The following TSHZ2 variants were observed in gnomAD, a reference collection of about 807,000 sequenced individuals.
TSHZ2 encodes the protein teashirt homolog 2.
Under a neutral mutation model 74.4 loss-of-function variants are expected in TSHZ2, and 21 were observed. The observed-to-expected ratio is 0.28, with a 90% CI of 0.20 to 0.41. The LOEUF (loss-of-function observed/expected upper bound fraction) is 0.41, where lower values mean the gene tolerates loss of function less well. TSHZ2 is among the 10% of genes least tolerant of loss of function. TSHZ2 has a pLI of 1.00. For synonymous variants in TSHZ2, 540 were observed against 515.3 expected (o/e 1.05, Z -0.65); for missense variants, 1,244 against 1,293.5 (o/e 0.96, Z 0.59).
chr20:53,331,284 C>G (rs185357719), intron 2 of TSHZ2, among the ~76,000 whole-genome samples: 1 of 152,146 alleles, frequency 6.6e-6, no homozygotes, highest in Non-Finnish European at 1.5e-5. Flanking sequence ...GCAGCTTGAA[C>G]GGAAGGTAGT....
At chr20:53,160,817 A>C (rs1987914054) in intron 1 of TSHZ2, among the ~76,000 whole-genome samples, 2 of 151,384 alleles carry the variant, frequency 1.3e-5, no homozygotes, top group Non-Finnish European at 2.9e-5. Flanking sequence ...ACACCTCTGG[A>C]AACATTTTTC....
intron 1 of TSHZ2, among the ~76,000 whole-genome samples, chr20:52,982,134 T>C (rs1194172899): frequency 6.6e-6 from 1 of 152,210 alleles, no homozygotes; most frequent in Non-Finnish European, 1.5e-5. Context: ...GGAGGGGACA[T>C]CTGGGCTAAG....
intron 1 of TSHZ2, among the ~76,000 whole-genome samples, chr20:53,091,834 A>G (rs1280640551): frequency 1.3e-5 from 2 of 152,174 alleles, no homozygotes; most frequent in Non-Finnish European, 2.9e-5. Flanking sequence ...ACTAGAACCC[A>G]GAAGTTCAAG....
intron 2 of TSHZ2, among the ~76,000 whole-genome samples, chr20:53,332,061 T>C (rs1194505500): frequency 6.6e-6 from 1 of 152,014 alleles, no homozygotes. Context: ...CAAGGAGGCC[T>C]CCTGTGCAGA....
chr20:53,068,173 A>G (rs1270100174), intron 1 of TSHZ2, among the ~76,000 whole-genome samples: 1 of 152,174 alleles, frequency 6.6e-6, no homozygotes, highest in East Asian at 1.9e-4. Context: ...TCTTCTGAAT[A>G]ACGTCATATT....
chr20:53,207,993 T>A (rs568765164), intron 1 of TSHZ2, among the ~76,000 whole-genome samples: 76 of 151,528 alleles, frequency 5.0e-4, no homozygotes, highest in African/African-American at 1.8e-3. Context: ...AGCCACCATG[T>A]CCAGCCTCCT....
intron 1 of TSHZ2, among the ~76,000 whole-genome samples, chr20:53,225,215 GA>G (rs1352739775): frequency 1.3e-5 from 2 of 152,244 alleles, no homozygotes; most frequent in Non-Finnish European, 2.9e-5. Context: ...TTAAGGGAAA[GA>G]GACTATTGAA....
intron 1 of TSHZ2, among the ~76,000 whole-genome samples, chr20:53,160,068 A>G (rs1987892898): frequency 6.6e-6 from 1 of 152,186 alleles, no homozygotes; most frequent in Non-Finnish European, 1.5e-5. Flanking sequence ...CCACATATGA[A>G]AAGGCCCAGT....
chr20:53,433,819 T>A (rs538303860), intron 2 of TSHZ2, among the ~76,000 whole-genome samples: 103 of 152,314 alleles, frequency 6.8e-4, no homozygotes, highest in Admixed American at 2.2e-3. Context: ...GATCATCAAA[T>A]GTTGACTAGA....
chr20:53,201,077 C>T (rs1988993456), intron 1 of TSHZ2, among the ~76,000 whole-genome samples: 1 of 151,714 alleles, frequency 6.6e-6, no homozygotes, highest in African/African-American at 2.4e-5. Context: ...CAGATCATTG[C>T]AGGTCTTATA....
intron 2 of TSHZ2, among the ~76,000 whole-genome samples, chr20:53,374,842 T>C (rs1468518923): frequency 6.6e-6 from 1 of 152,010 alleles, no homozygotes; most frequent in Non-Finnish European, 1.5e-5. Context: ...AATGGGGCTG[T>C]TTTTTGCTCA....
intron 1 of TSHZ2, among the ~76,000 whole-genome samples, chr20:53,207,319 T>C (rs1343141545): frequency 6.6e-6 from 1 of 152,074 alleles, no homozygotes; most frequent in African/African-American, 2.4e-5. Flanking sequence ...GGAGTTGTTG[T>C]TTTTTTCAGG....
At chr20:53,057,083 C>G (rs1984664944) in intron 1 of TSHZ2, among the ~76,000 whole-genome samples, 1 of 152,170 alleles carries the variant, frequency 6.6e-6, no homozygotes. Context: ...TCATAAAGGG[C>G]AGTTCCCCTG....
chr20:53,207,497 C>T (rs960140200), intron 1 of TSHZ2, among the ~76,000 whole-genome samples: 2 of 152,052 alleles, frequency 1.3e-5, no homozygotes, highest in African/African-American at 4.8e-5. Flanking sequence ...CTCAGCTGCC[C>T]ATCTTGCCCC....
chr20:53,000,208 G>T (rs1380060987), intron 1 of TSHZ2, among the ~76,000 whole-genome samples: 1 of 152,146 alleles, frequency 6.6e-6, no homozygotes, highest in Non-Finnish European at 1.5e-5. Flanking sequence ...GGTTAGAATG[G>T]TTTTTACATT....
intron 1 of TSHZ2, among the ~76,000 whole-genome samples, chr20:52,995,388 A>G (rs1431003729): frequency 6.6e-6 from 1 of 152,146 alleles, no homozygotes; most frequent in East Asian, 1.9e-4. Context: ...CTTAACCTAC[A>G]TAGGTTTCCA....
intron 2 of TSHZ2, among the ~76,000 whole-genome samples, chr20:53,298,708 G>C (rs768314210): frequency 3.9e-5 from 6 of 152,172 alleles, no homozygotes; most frequent in Admixed American, 6.5e-5. Flanking sequence ...TGGCAGCATC[G>C]ATTTACCCTT....
At chr20:53,109,159 T>G (rs766026108) in intron 1 of TSHZ2, among the ~76,000 whole-genome samples, 4 of 152,140 alleles carry the variant, frequency 2.6e-5, no homozygotes, top group African/African-American at 9.7e-5. Flanking sequence ...AAAAATACAC[T>G]TCCGTACTTC....
intron 1 of TSHZ2, among the ~76,000 whole-genome samples, chr20:53,043,726 T>A (rs1356931376): frequency 1.3e-5 from 2 of 152,124 alleles, no homozygotes; most frequent in African/African-American, 4.8e-5. Context: ...TTGTATATAT[T>A]TATCTTTCAG....
Sources: allele counts gnomAD v4.1 joint callset (sites outside exome capture counted in the v4.1 genomes callset), GRCh38; gene constraint gnomAD v4.1.1; transcripts MANE v1.5; gene names NCBI Gene and HGNC (gene_info 2026-07-23, HGNC 2026-07-21).